Variants in MRAS observed in about 807,000 individuals in gnomAD.
The protein encoded by MRAS is ras-related protein M-Ras.
A neutral mutation model predicts 20.9 loss-of-function variants in MRAS; 4 were observed. The ratio of observed to expected loss-of-function variants is 0.19; its 90% CI spans 0.09 to 0.44. The LOEUF (loss-of-function observed/expected upper bound fraction) is 0.44, where lower values mean the gene tolerates loss of function less well. Among genes scored for constraint, MRAS ranks in the 20% least tolerant of loss-of-function variants. MRAS has a pLI of 0.99. For missense variants in MRAS, 154 were observed against 277.5 expected (o/e 0.56, Z 3.16); for synonymous variants, 98 against 102.9 (o/e 0.95, Z 0.29).
chr3:138,377,497 G>A (rs1283317669), intron 2 of MRAS, among the ~76,000 whole-genome samples: 2 of 152,158 alleles, frequency 1.3e-5, no homozygotes, highest in Admixed American at 6.5e-5. Context: ...TCAGCTACTC[G>A]GGAGCCTGAG....
intron 1 of MRAS, among the ~76,000 whole-genome samples, chr3:138,361,484 A>C (rs2054446303): frequency 6.6e-6 from 1 of 152,164 alleles, no homozygotes; most frequent in Non-Finnish European, 1.5e-5. Context: ...GATGTGGGTA[A>C]AGGGCTGTTT....
intron 2 of MRAS, among the ~76,000 whole-genome samples, chr3:138,380,124 A>G (rs1442065134): frequency 6.6e-6 from 1 of 152,154 alleles, no homozygotes. Flanking sequence ...ATTTTTTCAT[A>G]TACCTGCTAT....
intron 2 of MRAS, among the ~76,000 whole-genome samples, chr3:138,389,882 A>G (rs144447165): frequency 6.1e-4 from 92 of 151,958 alleles, no homozygotes; most frequent in Admixed American, 6.5e-4. Context: ...ACCCTGGGCT[A>G]TGGGCCACTG....
chr3:138,390,821 A>T (rs779253960), intron 2 of MRAS, among the ~76,000 whole-genome samples: 7 of 152,204 alleles, frequency 4.6e-5, no homozygotes, highest in Admixed American at 1.3e-4. Context: ...CTTCCGTTTC[A>T]TCTGCCATTA....
At chr3:138,357,109 C>T (rs2054351332) in intron 1 of MRAS, among the ~76,000 whole-genome samples, 1 of 152,230 alleles carries the variant, frequency 6.6e-6, no homozygotes, top group Admixed American at 6.5e-5. Flanking sequence ...ACAAAATAAC[C>T]ATTCTAATAG....
At chr3:138,402,029 A>G (rs939263771) in intron 5 of MRAS, 141 bp from the exon 6 acceptor site, 6 of 728,388 alleles carry the variant, frequency 8.2e-6, no homozygotes, top group African/African-American at 1.8e-5. Context: ...TGGGAGAGGG[A>G]TGGCATCCCC....
chr3:138,387,157 T>C (rs80006759), intron 2 of MRAS, among the ~76,000 whole-genome samples: 2,403 of 152,082 alleles, frequency 0.016, 57 homozygotes, highest in African/African-American at 0.056. Flanking sequence ...AGTGGGAGAA[T>C]GATGGAGAAG....
At chr3:138,353,810 A>G (rs923471833) in intron 1 of MRAS, among the ~76,000 whole-genome samples, 12 of 152,162 alleles carry the variant, frequency 7.9e-5, no homozygotes, top group Non-Finnish European at 1.3e-4. Context: ...GATGTAGTTA[A>G]CCTTTTATAG....
chr3:138,392,548 C>A (rs2055154504), intron 2 of MRAS, among the ~76,000 whole-genome samples: 1 of 152,170 alleles, frequency 6.6e-6, no homozygotes, highest in Non-Finnish European at 1.5e-5. Flanking sequence ...TGCCTAGATG[C>A]TTATGATTGA....
intron 2 of MRAS, among the ~76,000 whole-genome samples, chr3:138,378,343 G>C (rs1313970789): frequency 6.6e-6 from 1 of 152,228 alleles, no homozygotes; most frequent in African/African-American, 2.4e-5. Flanking sequence ...CAGAACCTAA[G>C]AGACAAGAGC....
At chr3:138,362,998 A>G (rs75880639) in intron 1 of MRAS, among the ~76,000 whole-genome samples, 185 of 151,836 alleles carry the variant, frequency 1.2e-3, no homozygotes, top group African/African-American at 3.1e-3. Flanking sequence ...TGTCGCTTCT[A>G]TTCTTTACCT....
At position 138,398,491 on chromosome 3, in the gene MRAS, G is replaced by T. The variant is rs777652361; in HGVS notation, c.370G>T (p.Val124Leu). 3 of 1,613,998 alleles carry T rather than the reference G, an allele frequency of 1.9e-6. No homozygotes were observed. The highest frequency in any genetic ancestry group is 2.2e-5 in the East Asian group (1 of 44,894). ...CAGGGAGTCATTCCCGATGATCCTCGTGGCCAACAAGGTCGATTTGATGCA... is the reference window on the plus strand; with the variant it reads ...CAGGGAGTCATTCCCGATGATCCTCTTGGCCAACAAGGTCGATTTGATGCA... ...KDRESFPMIL[V>L]ANKVDLMHLR... The change falls in exon 4 of 6, where the codon GTG becomes TTG. Residue 124 changes from valine to leucine, a missense_variant. This residue lies in a region of MRAS where 125 missense variants were observed against 213.5 expected (regional missense o/e 0.59). Coordinates refer to ENST00000423968, the MANE Select transcript of MRAS (RefSeq NM_001085049.3).
At chr3:138,381,281 G>A (rs1007908787) in intron 2 of MRAS, among the ~76,000 whole-genome samples, 2 of 152,162 alleles carry the variant, frequency 1.3e-5, no homozygotes, top group Non-Finnish European at 2.9e-5. Context: ...CTGTTGGTTA[G>A]GGATGGAAGG....
At chr3:138,386,880 G>T (rs1207072125) in intron 2 of MRAS, among the ~76,000 whole-genome samples, 1 of 152,162 alleles carries the variant, frequency 6.6e-6, no homozygotes, top group African/African-American at 2.4e-5. Context: ...ATGTTCATGT[G>T]CAAATTTTCA....
chr3:138,356,721 C>T (rs959284000), intron 1 of MRAS, among the ~76,000 whole-genome samples: 4 of 152,222 alleles, frequency 2.6e-5, no homozygotes, highest in African/African-American at 4.8e-5. Context: ...TTAGCCTTCC[C>T]TCTCCACCCA....
chr3:138,372,805 G>T, intron 1 of MRAS, 61 bp from the exon 2 acceptor site: 1 of 1,195,572 alleles, frequency 8.4e-7, no homozygotes, highest in South Asian at 1.7e-5. Flanking sequence ...GAAAACATAT[G>T]AATATTTTCC....
At chr3:138,350,779 CCGTCTCTACAA>C (rs1478453675) in intron 1 of MRAS, among the ~76,000 whole-genome samples, 2 of 152,040 alleles carry the variant, frequency 1.3e-5, no homozygotes, top group Non-Finnish European at 2.9e-5. Flanking sequence ...TGGTGAAACT[CCGTCTCTACAA>C]AAATTAGCTG....
intron 1 of MRAS, among the ~76,000 whole-genome samples, chr3:138,362,234 C>T (rs1019513404): frequency 5.3e-5 from 8 of 152,194 alleles, no homozygotes; most frequent in African/African-American, 1.9e-4. Context: ...TTAGACCCAC[C>T]AGGCTCAGTG....
At chr3:138,359,834 T>C (rs1283327212) in intron 1 of MRAS, among the ~76,000 whole-genome samples, 1 of 152,212 alleles carries the variant, frequency 6.6e-6, no homozygotes, top group African/African-American at 2.4e-5. Context: ...GCCGTGCCAC[T>C]CAGATGTGTG....
Sources: gnomAD v4.1 joint callset for allele counts (sites outside exome capture counted in the v4.1 genomes callset) on GRCh38, gnomAD v4.1.1 for gene constraint, gnomAD v4.1.1 regional missense constraint, MANE v1.5 for transcripts, NCBI Gene and HGNC (gene_info 2026-07-23, HGNC 2026-07-21) for gene names.